The following SLC38A10 variants were observed in gnomAD, a reference collection of about 807,000 sequenced individuals.
The protein encoded by SLC38A10 is solute carrier family 38 member 10.
SLC38A10 carries 53 observed loss-of-function variants against 81.0 expected under a neutral mutation model. The observed-to-expected ratio is 0.65, with a 90% CI of 0.53 to 0.82. The LOEUF is 0.82. Ranked by LOEUF, SLC38A10 falls within the 40% of genes least tolerant of loss-of-function variation. SLC38A10 has a pLI of 0.00. For synonymous variants in SLC38A10, 665 were observed against 655.3 expected, an observed-to-expected ratio of 1.01 and a Z score of -0.23; for missense variants, 1,471 against 1,545.0, an observed-to-expected ratio of 0.95 and a Z score of 0.80.
chr17:81,254,041 T>C (rs535833591), intron 11 of SLC38A10, among the ~76,000 whole-genome samples: 59 of 151,928 alleles, frequency 3.9e-4, no homozygotes, highest in African/African-American at 1.3e-3. Flanking sequence ...ACCTCCACCG[T>C]CACTGCCATC....
In SLC38A10 at chr17:81,245,856, C is replaced by G; in HGVS notation, c.3060G>C (p.Leu1020=). 6.2e-7 allele frequency: 1 copy of G among 1,612,262 alleles called. No homozygotes were observed. Among genetic ancestry groups the G allele is most frequent in the Non-Finnish European group, 8.5e-7 (1 of 1,179,616 alleles). Residue 1020 remains leucine (L), a synonymous_variant, in exon 16 of 16, where the codon CTG becomes CTC. Coordinates refer to ENST00000374759, the MANE Select transcript of SLC38A10 (RefSeq NM_001037984.3). ...QEPRQRPEPE[L]GLKRAVPGGQ... Reference sequence around the variant, plus strand: ...CCCCCGGGACAGCTCGTTTGAGCCCCAGCTCTGGCTCTGGCCTCTGCCTGG... The same window carrying G: ...CCCCCGGGACAGCTCGTTTGAGCCCGAGCTCTGGCTCTGGCCTCTGCCTGG...
At chr17:81,284,747 G>A (rs2063247610) in intron 3 of SLC38A10, 103 bp downstream of exon 3, 8 of 906,176 alleles carry the variant, frequency 8.8e-6, no homozygotes, top group Non-Finnish European at 8.0e-6. Context: ...AGAAACCTAA[G>A]TTACAGGTGA....
chr17:81,275,739 A>AAAAAAAAAAAAAAC (rs1368927739), intron 8 of SLC38A10, among the ~76,000 whole-genome samples: 1 of 149,986 alleles, frequency 6.7e-6, no homozygotes, highest in African/African-American at 2.5e-5. Context: ...CTCAAAAAAA[A>AAAAAAAAAAAAAAC]AGAGAACTGT....
At chr17:81,268,910 G>A (rs2063092286) in intron 10 of SLC38A10, among the ~76,000 whole-genome samples, 2 of 152,102 alleles carry the variant, frequency 1.3e-5, no homozygotes, top group Non-Finnish European at 2.9e-5. Context: ...TGAATATAAT[G>A]GACTAGAGAA....
At position 81,252,251 on chromosome 17, in the gene SLC38A10, G is replaced by A. The variant is rs199508563; in HGVS notation, c.1889C>T (p.Pro630Leu). The A allele has an allele frequency of 2.2e-5, 35 of 1,559,372 alleles. No homozygotes were observed. Among genetic ancestry groups the A allele is most frequent in the East Asian group, 2.0e-4 (9 of 44,252 alleles). Residue 630 changes from proline (P) to leucine (L), a missense_variant, in exon 13 of 16, where the codon CCG becomes CTG. By Grantham distance (98) the Pro-to-Leu change is moderately conservative. This residue lies in a region of SLC38A10 where 751 missense variants were observed against 717.4 expected (regional missense o/e 1.05). Coordinates refer to ENST00000374759, the MANE Select transcript of SLC38A10 (RefSeq NM_001037984.3). ...GTCCCCGGCGGCGTTGCCTGGCGGC[G>A]GTCCCCCCTTGGCCTTTTCCCCTCC... ...VGGGEKAKGG[P>L]PPGNAAGDTG...
chr17:81,289,636 T>C lies in SLC38A10; in HGVS notation c.217+55A>G. 1.7e-6 allele frequency: 2 copies of C among 1,168,484 alleles called. No individual in the cohort carries two copies. Among genetic ancestry groups the C allele is most frequent in the Non-Finnish European group, 2.4e-6 (2 of 842,930 alleles). 72.4% of individuals were successfully genotyped at this position (1,168,484 alleles called of 1,614,324 possible). ...TAGAGTAAATAAATAAATAAATAAA[T>C]GGAATAAGGCCCCCGCCCCAGGTCC... On this transcript the variant is annotated intron_variant, in intron 2 of 15. Coordinates refer to ENST00000374759, the MANE Select transcript of SLC38A10 (RefSeq NM_001037984.3). This position sits in a 1 kb window ranked among gnomAD's most constrained non-coding sequence, Gnocchi z 5.9.
intron 11 of SLC38A10, 77 bp downstream of exon 11, chr17:81,260,161 C>T (rs1024008282): frequency 1.3e-6 from 2 of 1,494,438 alleles, no homozygotes; most frequent in African/African-American, 2.8e-5. Flanking sequence ...CAGGTAAGCA[C>T]AATCCTCGGA....
intron 14 of SLC38A10, chr17:81,251,211 T>A (rs2062907624): frequency 5.2e-6 from 8 of 1,544,816 alleles, no homozygotes; most frequent in Non-Finnish European, 6.1e-6. Context: ...ATGCCGCAGG[T>A]GTTTTAAAGG....
intron 10 of SLC38A10, among the ~76,000 whole-genome samples, chr17:81,266,984 C>T (rs1274052379): frequency 6.6e-6 from 1 of 152,142 alleles, no homozygotes; most frequent in Non-Finnish European, 1.5e-5. Flanking sequence ...AGCCAAGAGG[C>T]GAGATGAGAA....
At chr17:81,272,689 A>G in intron 8 of SLC38A10, 62 bp from the exon 9 acceptor site, 2 of 1,271,118 alleles carry the variant, frequency 1.6e-6, no homozygotes, top group South Asian at 1.6e-5. Flanking sequence ...TCTCCTAGAA[A>G]GCAAAGCCTG....
chr17:81,251,352 G>T, intron 14 of SLC38A10, 141 bp downstream of exon 14: 2 of 1,612,934 alleles, frequency 1.2e-6, no homozygotes, highest in Non-Finnish European at 1.7e-6. Context: ...GCTCTCCGAG[G>T]GGTCTGCTCA....
intron 2 of SLC38A10, among the ~76,000 whole-genome samples, chr17:81,287,222 C>A (rs1443793621): frequency 1.3e-5 from 2 of 152,234 alleles, no homozygotes; most frequent in African/African-American, 4.8e-5. Flanking sequence ...CGGCCACCTC[C>A]CCAGGCTAAC....
rs1460922066 is a variant in SLC38A10, at chr17:81,294,947, G to T, written c.-26C>A. ...AGTGAGAGGTCTAGGGGCCCGGGGC[G>T]AGAGGCCTCGGGGGTCGCCGGGCTG... On this transcript the variant is annotated 5_prime_UTR_variant, in exon 1 of 16. Coordinates refer to ENST00000374759, the MANE Select transcript of SLC38A10 (RefSeq NM_001037984.3). 1.5e-5 allele frequency: 24 copies of T among 1,563,276 alleles called. No individual in the cohort carries two copies. The East Asian group carries it at 6.1e-4, about 39-fold the overall frequency.
At position 81,276,160 on chromosome 17, in the gene SLC38A10, G is replaced by C; in HGVS notation, c.730-9C>G. 1.2e-6 allele frequency: 2 copies of C among 1,604,830 alleles called. No homozygotes were observed. Among genetic ancestry groups the C allele is most frequent in the African/African-American group, 2.7e-5 (2 of 74,876 alleles). Reference sequence around the variant, plus strand: ...TAGCCGAAAAACCCCACCTGTTGGAGAATAAGAAATGGCAACGTGGCAGAC... The same window carrying C: ...TAGCCGAAAAACCCCACCTGTTGGACAATAAGAAATGGCAACGTGGCAGAC... On this transcript the variant is annotated splice_polypyrimidine_tract_variant and intron_variant, in intron 7 of 15. Coordinates refer to ENST00000374759, the MANE Select transcript of SLC38A10 (RefSeq NM_001037984.3). This position sits in a 1 kb window ranked among gnomAD's most constrained non-coding sequence, Gnocchi z 4.7.
chr17:81,245,785 T>C lies in SLC38A10; in HGVS notation c.3131A>G (p.Gln1044Arg). ...NAKPNRDLKLQAGSDLRRRRR... is the reference protein window; with the variant it reads ...NAKPNRDLKLRAGSDLRRRRR... ...TCGCCTCCGGAGGTCGGAGCCAGCC[T>C]GCAGTTTCAGGTCCCGGTTGGGCTT... Residue 1044 changes from glutamine to arginine, a missense_variant, in exon 16 of 16, where the codon CAG (glutamine) becomes CGG (arginine). Transcript: ENST00000374759. 6.2e-7 allele frequency: 1 copy of C among 1,600,228 alleles called. No homozygotes were observed. The highest frequency in any genetic ancestry group is 8.5e-7 in the Non-Finnish European group (1 of 1,170,232).
intron 5 of SLC38A10, 38 bp downstream of exon 5, chr17:81,282,151 A>C: frequency 6.2e-7 from 1 of 1,608,782 alleles, no homozygotes; most frequent in South Asian, 1.1e-5. Context: ...GGCCAGGAGC[A>C]GCCTTTCAGC....
rs752369073 is a variant in SLC38A10 at position 81,245,514 on chromosome 17, G to A, written c.*42C>T. ...GGCTGAGACAGACCTGCTGCTGGCCGAGGAGGGCAGTGGCTGGCGTGGCCC... is the reference window on the plus strand; with the variant it reads ...GGCTGAGACAGACCTGCTGCTGGCCAAGGAGGGCAGTGGCTGGCGTGGCCC... On this transcript the variant is annotated 3_prime_UTR_variant, in exon 16 of 16. Coordinates refer to ENST00000374759, the MANE Select transcript of SLC38A10 (RefSeq NM_001037984.3). 27 of 1,542,288 alleles carry A rather than the reference G, an allele frequency of 1.8e-5. No individual in the cohort carries two copies. The highest frequency in any genetic ancestry group is 6.8e-5 in the African/African-American group (5 of 73,090).
intron 8 of SLC38A10, among the ~76,000 whole-genome samples, chr17:81,274,667 G>A (rs770508098): frequency 4.6e-5 from 7 of 152,318 alleles, no homozygotes; most frequent in Non-Finnish European, 7.3e-5. Flanking sequence ...CCCCATGCTC[G>A]GAGCGCAAGA....
chr17:81,255,453 G>A (rs1418978524), intron 11 of SLC38A10, among the ~76,000 whole-genome samples: 1 of 152,244 alleles, frequency 6.6e-6, no homozygotes, highest in East Asian at 1.9e-4. Context: ...CTCTCAACAT[G>A]AACACAGGTT....
Sources: allele counts gnomAD v4.1 joint callset (sites outside exome capture counted in the v4.1 genomes callset), GRCh38; gene constraint gnomAD v4.1.1; regional missense constraint gnomAD v4.1.1; non-coding constraint Gnocchi (gnomAD v3.1); transcripts MANE v1.5; gene names NCBI Gene and HGNC (gene_info 2026-07-23, HGNC 2026-07-21).